FHDC1: variants seen among roughly 807,000 people sequenced by gnomAD.
FHDC1 encodes FH2 domain-containing protein 1.
In FHDC1, 25 loss-of-function variants were observed where a neutral mutation model predicts 52.6. That is an observed-to-expected ratio of 0.48 (90% CI 0.35 to 0.66). The LOEUF (loss-of-function observed/expected upper bound fraction) is 0.66. Ranked by LOEUF, FHDC1 falls within the 30% of genes least tolerant of loss-of-function variation. FHDC1 has a pLI of 0.01. For synonymous variants in FHDC1, 616 were observed against 581.5 expected, an observed-to-expected ratio of 1.06 and a Z score of -0.85; for missense variants, 1,459 against 1,452.8, an observed-to-expected ratio of 1.00 and a Z score of -0.07.
Position 152,976,294 on chromosome 4 carries a change from G to T in FHDC1, c.3003G>T (p.Lys1001Asn). ...CCAGACAGAAGCCTGAGGAAAATAA[G>T]ACCTGCCGCGCCCACTCCGAGGGCC... ...NLPRQKPEEN[K>N]TCRAHSEGPE... The change falls in exon 12 of 12, where the codon AAG (lysine) becomes AAT (asparagine). Residue 1001 changes from lysine (K) to asparagine (N), a missense_variant. Around this residue, in one of 3 missense-constraint regions of FHDC1, gnomAD observed 939 missense variants for 854.5 expected, o/e 1.10. Transcript: ENST00000511601. 6.2e-7 allele frequency: 1 copy of T among 1,613,452 alleles called. No individual in the cohort carries two copies. The highest frequency in any genetic ancestry group is 8.5e-7 in the Non-Finnish European group (1 of 1,179,980).
chr4:152,976,795 A>G lies in FHDC1; in HGVS notation c.*72A>G, dbSNP rs977719676. 13 of 1,437,452 alleles carry G rather than the reference A, an allele frequency of 9.0e-6. No individual in the cohort carries two copies. Among genetic ancestry groups the G allele is most frequent in the Non-Finnish European group, 1.1e-5 (12 of 1,091,118 alleles). The allele number at this position is 1,437,452 out of a possible 1,614,324, so 89.0% of individuals were successfully genotyped here. A position where few individuals can be genotyped will look rare whatever the true frequency, so the allele number is the denominator to read the frequency against. ...TGACTTCTGGGACGAGGATGGGGAA[A>G]GAGGCAGCATGTCTTTGTTACAGAT... On this transcript the variant is annotated 3_prime_UTR_variant, in exon 12 of 12. Coordinates refer to ENST00000511601, the MANE Select transcript of FHDC1 (RefSeq NM_001371116.1).
the FHDC1 span, chr4:152,917,132 A>G: frequency 6.6e-6 from 1 of 152,200 alleles, no homozygotes; most frequent in South Asian, 2.1e-4. Flanking sequence ...CTAAATAGCT[A>G]TTTGAAAGTT....
chr4:152,963,262 T>C, intron 8 of FHDC1, 132 bp downstream of exon 8: 4 of 730,448 alleles, frequency 5.5e-6, no homozygotes, highest in South Asian at 1.7e-5. Context: ...TGGTTCTGTT[T>C]GTAGAAGCGC....
chr4:152,936,077 T>C, upstream of FHDC1, among the ~76,000 whole-genome samples: 1 of 151,790 alleles, frequency 6.6e-6, no homozygotes, highest in East Asian at 2.0e-4. Flanking sequence ...GCACCAGCCT[T>C]CGGGTGCGGG....
Position 152,976,164 on chromosome 4 carries a change from C to G in FHDC1, c.2873C>G (p.Pro958Arg). The G allele has an allele frequency of 1.2e-6, 2 of 1,611,864 alleles. No homozygotes were observed. The highest frequency in any genetic ancestry group is 1.7e-6 in the Non-Finnish European group (2 of 1,179,480). The change falls in exon 12 of 12, where the codon CCG becomes CGG. Residue 958 changes from proline to arginine, a missense_variant. By Grantham distance (103) the Pro-to-Arg change is moderately radical. This residue lies in a region of FHDC1 where 939 missense variants were observed against 854.5 expected (regional missense o/e 1.10). Transcript: ENST00000511601. ...ASTGAEEQRL[P>R]RGSSGSSSTR... ...ACAGGCGCCGAAGAGCAGAGGCTGC[C>G]GCGGGGGAGCAGCGGCTCCAGCAGC...
At chr4:152,972,670 G>A in intron 11 of FHDC1, 129 bp downstream of exon 11, 8 of 1,088,484 alleles carry the variant, frequency 7.3e-6, no homozygotes, top group Non-Finnish European at 1.0e-5. Context: ...TGGCCCAGGT[G>A]GTATTGCCAG....
Position 152,976,215 on chromosome 4 carries a change from T to G in FHDC1, c.2924T>G (p.Leu975Arg), listed in dbSNP as rs1460443540. The G allele has an allele frequency of 6.2e-7, 1 of 1,612,978 alleles. No individual in the cohort carries two copies. The highest frequency in any genetic ancestry group is 2.2e-5 in the East Asian group (1 of 44,854). The change falls in exon 12 of 12, where the codon CTG (leucine) becomes CGG (arginine). Residue 975 changes from leucine (L) to arginine (R), a missense_variant. This residue lies in a region of FHDC1 where 939 missense variants were observed against 854.5 expected (regional missense o/e 1.10). Transcript: ENST00000511601. ...ACCCGTCCGGGGAGGGACGTTCCCC[T>G]GCAGCCCAGGGGTTCTTTCAAGAAG... is the stretch of plus-strand genomic sequence containing the variant. ...SSTRPGRDVP[L>R]QPRGSFKKPS... is the part of the protein sequence containing the mutation.
At chr4:152,948,812 G>T (rs1329184726) in intron 2 of FHDC1, among the ~76,000 whole-genome samples, 1 of 152,066 alleles carries the variant, frequency 6.6e-6, no homozygotes, top group African/African-American at 2.4e-5. Context: ...AAGTGCTCTG[G>T]GGATGGATGG....
intron 2 of FHDC1, 127 bp downstream of exon 2, chr4:152,943,682 G>A (rs759062471): frequency 1.5e-5 from 17 of 1,138,344 alleles, no homozygotes; most frequent in Non-Finnish European, 2.1e-5. Context: ...AATCTGCCTT[G>A]GAAATGCTAG....
chr4:152,967,895 G>A, intron 9 of FHDC1, 85 bp from the exon 10 acceptor site: 1 of 960,878 alleles, frequency 1.0e-6, no homozygotes, highest in Non-Finnish European at 1.6e-6. Flanking sequence ...TTCCAAGGTT[G>A]AACAACAGTT....
rs1740995304 is a variant in FHDC1 at position 152,979,080 on chromosome 4, G to A, written c.*2357G>A. On this transcript the variant is annotated 3_prime_UTR_variant, in exon 12 of 12. Coordinates refer to ENST00000511601, the MANE Select transcript of FHDC1 (RefSeq NM_001371116.1). ...AATGGATGCAAGTGATTCTAAGTTT[G>A]TGGATTTGTGGATAGCAGAGGGATC... 1 of 152,258 alleles carries A rather than the reference G, an allele frequency of 6.6e-6. No individual in the cohort carries two copies. The highest frequency in any genetic ancestry group is 2.4e-5 in the African/African-American group (1 of 41,466). The allele number at this position is 152,258 out of a possible 1,614,324, so 9.4% of individuals were successfully genotyped here. A position where few individuals can be genotyped will look rare whatever the true frequency, so the allele number is the denominator to read the frequency against.
At chr4:152,928,275 G>C in the FHDC1 span, 1 of 617,146 alleles carries the variant, frequency 1.6e-6, no homozygotes, top group Non-Finnish European at 2.9e-6. Context: ...CTGCCTTACA[G>C]GCATTATGTC....
At chr4:152,951,125 G>A (rs531687019) in intron 2 of FHDC1, among the ~76,000 whole-genome samples, 1 of 152,284 alleles carries the variant, frequency 6.6e-6, no homozygotes, top group Non-Finnish European at 1.5e-5. Flanking sequence ...TGTAGCAGAA[G>A]GTGGCACTTT....
the FHDC1 span, chr4:152,927,921 G>GT: frequency 3.5e-6 from 5 of 1,431,600 alleles, no homozygotes; most frequent in Non-Finnish European, 4.9e-6. Flanking sequence ...GCTGTGAAGC[G>GT]TAAGAGCTCA....
chr4:152,978,614 CG>C lies in FHDC1; in HGVS notation c.*1895del, dbSNP rs1740980668. 3.9e-5 allele frequency: 6 copies of C among 151,918 alleles called. No individual in the cohort carries two copies. The South Asian group carries it at 1.2e-3, about 32-fold the overall frequency. The allele number at this position is 151,918 out of a possible 1,614,324, so 9.4% of individuals were successfully genotyped here. ...GACTCCTCTGAGACTAATTGGGAAA[CG>C]GGGAAATTCTTGGAATTTTTTTTTT... On this transcript the variant is annotated 3_prime_UTR_variant, in exon 12 of 12. Coordinates refer to ENST00000511601, the MANE Select transcript of FHDC1 (RefSeq NM_001371116.1).
At chr4:152,914,261 T>G in the FHDC1 span, among the ~76,000 whole-genome samples, 1 of 152,368 alleles carries the variant, frequency 6.6e-6, no homozygotes, top group South Asian at 2.1e-4. Flanking sequence ...GAAGGTTTCC[T>G]GTTCAACAGA....
the FHDC1 span, among the ~76,000 whole-genome samples, chr4:152,925,867 A>G: frequency 1.8e-5 from 1 of 55,904 alleles, no homozygotes; most frequent in Admixed American, 2.5e-4. Context: ...AGAGGAGAAG[A>G]AGGAGGAGAA....
chr4:152,963,249 A>G (rs755694278), intron 8 of FHDC1, 119 bp downstream of exon 8: 10 of 830,066 alleles, frequency 1.2e-5, no homozygotes, highest in Admixed American at 2.3e-5. Flanking sequence ...GCAAGTTCCA[A>G]GATGGTTCTG....
chr4:152,948,332 C>G (rs138752439), intron 2 of FHDC1, among the ~76,000 whole-genome samples: 2 of 152,110 alleles, frequency 1.3e-5, no homozygotes, highest in African/African-American at 2.4e-5. Context: ...ATAAGCCAGT[C>G]GCAAAGGACA....
Sources: gnomAD v4.1 joint callset for allele counts (sites outside exome capture counted in the v4.1 genomes callset) on GRCh38, gnomAD v4.1.1 for gene constraint, gnomAD v4.1.1 regional missense constraint, MANE v1.5 for transcripts, NCBI Gene and HGNC (gene_info 2026-07-23, HGNC 2026-07-21) for gene names.